The following MUC17 variants were observed in gnomAD, a reference collection of about 807,000 sequenced individuals.
MUC17 encodes the protein mucin-17.
In MUC17, 190 loss-of-function variants were observed where a neutral mutation model predicts 170.3. That is an observed-to-expected ratio of 1.12 (90% confidence interval 0.99 to 1.26). MUC17 has a LOEUF of 1.26. Among genes scored for constraint, MUC17 ranks in the 50% most tolerant of loss-of-function variants. MUC17 has a pLI of 0.00. For missense variants in MUC17, 6,415 were observed against 5,530.0 expected, an observed-to-expected ratio of 1.16 and a Z score of -5.08; for synonymous variants, 2,325 against 2,002.5, an observed-to-expected ratio of 1.16 and a Z score of -4.30.
Position 101,043,574 on chromosome 7 carries a change from G to C in MUC17, c.12158G>C (p.Arg4053Thr). Residue 4053 changes from arginine to threonine, a missense_variant, in exon 3 of 13, where the codon AGG becomes ACG. By Grantham distance (71) the Arg-to-Thr change is moderately conservative. Transcript: ENST00000306151. Reference sequence around the variant, plus strand: ...GTGACCCCTTCATCAGAATCCAGCAGGCCGTCAACAATTACTTCTCACACC... The same window carrying C: ...GTGACCCCTTCATCAGAATCCAGCACGCCGTCAACAATTACTTCTCACACC... ...RPVTPSSESSRPSTITSHTIP... is the reference protein window; with the variant it reads ...RPVTPSSESSTPSTITSHTIP... 3 of 1,614,010 alleles carry C rather than the reference G, an allele frequency of 1.9e-6. No homozygotes were observed. In the South Asian group the frequency reaches 3.3e-5, roughly 18 times the overall value.
intron 1 of MUC17, among the ~76,000 whole-genome samples, chr7:101,022,969 C>A (rs996176345): frequency 2.0e-5 from 3 of 152,180 alleles, no homozygotes; most frequent in Admixed American, 2.0e-4. Flanking sequence ...GCACAGCAAT[C>A]TCCGTGCCTT....
Position 101,041,602 on chromosome 7 carries a change from G to A in MUC17, c.10186G>A (p.Glu3396Lys). The A allele has an allele frequency of 3.7e-6, 6 of 1,613,678 alleles. No homozygotes were observed. In the South Asian group the frequency reaches 5.5e-5, roughly 15 times the overall value. The change falls in exon 3 of 13, where the codon GAA becomes AAA. Residue 3396 changes from glutamate to lysine, a missense_variant. Glu to Lys is a moderately conservative substitution (Grantham distance 56, BLOSUM62 1). Coordinates refer to ENST00000306151, the MANE Select transcript of MUC17 (RefSeq NM_001040105.2). ...GTSIPTSSPS[E>K]GTTPLASMPV... ...CAGCATACCAACCTCAAGTCCTAGTGAAGGAACCACTCCATTAGCAAGTAT... is the reference window on the plus strand; with the variant it reads ...CAGCATACCAACCTCAAGTCCTAGTAAAGGAACCACTCCATTAGCAAGTAT...
At chr7:101,030,546 T>A (rs1794260489) in intron 1 of MUC17, among the ~76,000 whole-genome samples, 1 of 152,080 alleles carries the variant, frequency 6.6e-6, no homozygotes, top group African/African-American at 2.4e-5. Flanking sequence ...TTCTAATAGG[T>A]CATATTCTAT....
chr7:101,030,714 A>T (rs1341535527), intron 1 of MUC17, among the ~76,000 whole-genome samples: 1 of 151,828 alleles, frequency 6.6e-6, no homozygotes, highest in Admixed American at 6.6e-5. Flanking sequence ...GACTACAGGC[A>T]TGTGCCACCA....
chr7:101,036,938 C>T lies in MUC17; in HGVS notation c.5522C>T (p.Thr1841Ile), dbSNP rs563649703. 1.2e-5 allele frequency: 20 copies of T among 1,613,128 alleles called. No individual in the cohort carries two copies. The South Asian group carries it at 2.1e-4, about 17-fold the overall frequency. Residue 1841 changes from threonine (T) to isoleucine (I), a missense_variant, in exon 3 of 13, where the codon ACT becomes ATT. Physicochemically the swap from Thr to Ile is moderately conservative, Grantham distance 89. Transcript: ENST00000306151. ...TPVDSNSPVVTSTAVSSSPTP... is the reference protein window; with the variant it reads ...TPVDSNSPVVISTAVSSSPTP... ...GTTGACTCTAACAGTCCTGTGGTCA[C>T]TTCTACAGCAGTCAGTTCATCTCCT...
In MUC17 at chr7:101,035,220, G is replaced by T. The variant is rs764611986; in HGVS notation, c.3804G>T (p.Leu1268Phe). ...SSPTTAEGTSLPTSTTSEGST... is the reference protein window; with the variant it reads ...SSPTTAEGTSFPTSTTSEGST... ...CTACAACCGCTGAAGGTACCAGCTT[G>T]CCAACCTCAACTACTAGTGAAGGAA... is the stretch of plus-strand genomic sequence containing the variant. The change falls in exon 3 of 13, where the codon TTG (leucine) becomes TTT (phenylalanine). Residue 1268 changes from leucine (L) to phenylalanine (F), a missense_variant. Transcript: ENST00000306151. 6.2e-7 allele frequency: 1 copy of T among 1,609,166 alleles called. No individual in the cohort carries two copies. The highest frequency in any genetic ancestry group is 8.5e-7 in the Non-Finnish European group (1 of 1,177,024).
intron 3 of MUC17, among the ~76,000 whole-genome samples, chr7:101,047,327 C>T (rs371143038): frequency 4.7e-4 from 71 of 152,190 alleles, no homozygotes; most frequent in Middle Eastern, 3.4e-3. Context: ...CTGACTGTGT[C>T]GCTCACCTCT....
At position 101,058,717 on chromosome 7, in the gene MUC17, T is replaced by C. The variant is rs1451973482; in HGVS notation, c.*673T>C. ...TTCATGAAAAACACCTGTATTTAAA[T>C]ATAGAGCATTTACCTTTTGGTATAT... is the stretch of plus-strand genomic sequence containing the variant. On this transcript the variant is annotated 3_prime_UTR_variant, in exon 13 of 13. Coordinates refer to ENST00000306151, the MANE Select transcript of MUC17 (RefSeq NM_001040105.2). 6.6e-6 allele frequency: 1 copy of C among 152,182 alleles called. No individual in the cohort carries two copies. The highest frequency in any genetic ancestry group is 1.5e-5 in the Non-Finnish European group (1 of 68,022). The allele number at this position is 152,182 out of a possible 1,614,324, so 9.4% of individuals were successfully genotyped here.
At chr7:101,026,739 C>T (rs1794187168) in intron 1 of MUC17, among the ~76,000 whole-genome samples, 1 of 152,220 alleles carries the variant, frequency 6.6e-6, no homozygotes, top group Non-Finnish European at 1.5e-5. Context: ...TAAGCACCAC[C>T]ACGCCCGATT....
chr7:101,038,062 A>G lies in MUC17; in HGVS notation c.6646A>G (p.Ser2216Gly), dbSNP rs139022588. Residue 2216 changes from serine to glycine, a missense_variant, in exon 3 of 13, where the codon AGT (serine) becomes GGT (glycine). Transcript: ENST00000306151. ...TACCAGCATGCCAACCTCAACTCCT[A>G]GTGAAGGAAGCACTCCATTCACAAG... ...EGTSMPTSTPSEGSTPFTSMP... is the reference protein window; with the variant it reads ...EGTSMPTSTPGEGSTPFTSMP... 4.8e-5 allele frequency: 68 copies of G among 1,407,084 alleles called. No individual in the cohort carries two copies. The African/African-American group carries it at 8.3e-4, about 17-fold the overall frequency. The allele number at this position is 1,407,084 out of a possible 1,614,324, so 87.2% of individuals were successfully genotyped here.
chr7:101,033,328 A>T lies in MUC17; in HGVS notation c.1912A>T (p.Thr638Ser), dbSNP rs565797278. 4 of 1,613,696 alleles carry T rather than the reference A, an allele frequency of 2.5e-6. No individual in the cohort carries two copies. The highest frequency in any genetic ancestry group is 3.4e-6 in the Non-Finnish European group (4 of 1,179,804). Residue 638 changes from threonine to serine, a missense_variant, in exon 3 of 13, where the codon ACC becomes TCC. By Grantham distance (58) the Thr-to-Ser change is moderately conservative. Transcript: ENST00000306151. ...TACAATAACAAGTATGTCTGTCAGC[A>T]CCACACTGGTGGCCAGTTCTGAGGC... Reference protein sequence around the residue: ...GTTITSMSVSTTLVASSEAST... With the variant: ...GTTITSMSVSSTLVASSEAST...
In MUC17 at chr7:101,039,668, C is replaced by T. The variant is rs558862991; in HGVS notation, c.8252C>T (p.Thr2751Ile). ...ATCTCAACTCCTAGTGATGGAAGTA[C>T]TCCATTAACAAGTATACTTGTCAGC... ...MRISTPSDGS[T>I]PLTSILVSTL... Residue 2751 changes from threonine to isoleucine, a missense_variant, in exon 3 of 13, where the codon ACT becomes ATT. Thr to Ile is a moderately conservative substitution (Grantham distance 89, BLOSUM62 -1). Coordinates refer to ENST00000306151, the MANE Select transcript of MUC17 (RefSeq NM_001040105.2). 1 of 1,612,890 alleles carries T rather than the reference C, an allele frequency of 6.2e-7. No individual in the cohort carries two copies. Among genetic ancestry groups the T allele is most frequent in the South Asian group, 1.1e-5 (1 of 91,012 alleles).
chr7:101,021,022 TG>T (rs1794067540), intron 1 of MUC17, among the ~76,000 whole-genome samples: 1 of 152,158 alleles, frequency 6.6e-6, no homozygotes. Context: ...TGTCACCCTG[TG>T]GCAATCTCAC....
intron 1 of MUC17, among the ~76,000 whole-genome samples, chr7:101,030,575 T>G (rs933780457): frequency 1.3e-5 from 2 of 152,108 alleles, no homozygotes; most frequent in African/African-American, 4.8e-5. Flanking sequence ...AAATATTTAT[T>G]TATTCATTTT....
intron 1 of MUC17, among the ~76,000 whole-genome samples, chr7:101,029,826 T>C (rs1223436556): frequency 6.6e-6 from 1 of 152,166 alleles, no homozygotes. Flanking sequence ...CTTGAACTCC[T>C]GACCTCAGGT....
rs777509089 is a variant in MUC17, at chr7:101,043,706, A to T, written c.12290A>T (p.Lys4097Ile). The change falls in exon 3 of 13, where the codon AAA becomes ATA. Residue 4097 changes from lysine (K) to isoleucine (I), a missense_variant. Lys to Ile is a moderately radical substitution (Grantham distance 102). Transcript: ENST00000306151. ...EAVTTMTTRT[K>I]PSTRTTSFPT... is the part of the protein sequence containing the mutation. ...GTCACCACCATGACCACCAGGACAA[A>T]ACCCAGCACACGGACCACTTCCTTC... 1 of 1,614,128 alleles carries T rather than the reference A, an allele frequency of 6.2e-7. No homozygotes were observed. Among genetic ancestry groups the T allele is most frequent in the Non-Finnish European group, 8.5e-7 (1 of 1,180,018 alleles).
Position 101,042,190 on chromosome 7 carries a change from G to A in MUC17, c.10774G>A (p.Glu3592Lys), listed in dbSNP as rs748163643. The change falls in exon 3 of 13, where the codon GAG becomes AAG. Residue 3592 changes from glutamate to lysine, a missense_variant. Glu to Lys is a moderately conservative substitution (Grantham distance 56). Transcript: ENST00000306151. Reference protein sequence around the residue: ...LLSSTYVTSSEASTPSTPSVD... With the variant: ...LLSSTYVTSSKASTPSTPSVD... ...CAGCAGCACATATGTGACCAGTTCTGAGGCTAGCACACCTTCCACTCCTTC... is the reference window on the plus strand; with the variant it reads ...CAGCAGCACATATGTGACCAGTTCTAAGGCTAGCACACCTTCCACTCCTTC... 9 of 1,614,030 alleles carry A rather than the reference G, an allele frequency of 5.6e-6. No individual in the cohort carries two copies. The highest frequency in any genetic ancestry group is 3.4e-6 in the Non-Finnish European group (4 of 1,180,032).
chr7:101,036,326 CT>C lies in MUC17; in HGVS notation c.4911del (p.Val1638SerfsTer25). 9 of 1,614,054 alleles carry C rather than the reference CT, an allele frequency of 5.6e-6. No homozygotes were observed. The highest frequency in any genetic ancestry group is 7.6e-6 in the Non-Finnish European group (9 of 1,179,988). ...SEGSPLLTSI[P>X]VSTTPVASPE... ...GGAAGTCCTCTATTAACAAGTATAC[CT>C]GTCAGCACCACGCCGGTGGCCAGTC... On this transcript the variant is annotated frameshift_variant, in exon 3 of 13. Coordinates refer to ENST00000306151, the MANE Select transcript of MUC17 (RefSeq NM_001040105.2). LOFTEE classifies it high-confidence loss of function.
intron 10 of MUC17, 90 bp downstream of exon 10, chr7:101,053,237 G>T (rs746578059): frequency 6.3e-5 from 100 of 1,584,400 alleles, no homozygotes; most frequent in Non-Finnish European, 7.5e-5. Context: ...TCATAGTCTA[G>T]GTGGGCAGCG....
Sources: allele counts gnomAD v4.1 joint callset (sites outside exome capture counted in the v4.1 genomes callset), GRCh38; gene constraint gnomAD v4.1.1; transcripts MANE v1.5; gene names NCBI Gene and HGNC (gene_info 2026-07-23, HGNC 2026-07-21).